The following ACE variants were observed in gnomAD, a reference collection of about 807,000 sequenced individuals.
ACE encodes angiotensin-converting enzyme.
A neutral mutation model predicts 162.3 loss-of-function variants in ACE; 122 were observed. That is an observed-to-expected ratio of 0.75 (90% CI 0.65 to 0.87). ACE has a LOEUF of 0.87. Ranked by LOEUF, ACE falls within the 40% of genes least tolerant of loss-of-function variation. The probability of loss-of-function intolerance (pLI) is 0.00; values close to 1 mark genes in which losing one functional copy is unlikely to be tolerated. For missense variants in ACE, 1,799 were observed against 1,735.1 expected (o/e 1.04, Z -0.65); for synonymous variants, 796 against 720.6 (o/e 1.10, Z -1.68).
rs762700919 is a variant in ACE at position 63,488,894 on chromosome 17, G to T, written c.2450-47G>T. ...TAGGAAAAGGTAGATCCCTGGAGGAGGCAGGTAATGTGGTGTTGGGAGAGC... is the reference window on the plus strand; with the variant it reads ...TAGGAAAAGGTAGATCCCTGGAGGATGCAGGTAATGTGGTGTTGGGAGAGC... On this transcript the variant is annotated intron_variant, in intron 16 of 24. Transcript: ENST00000290866. 4 of 1,613,736 alleles carry T rather than the reference G, an allele frequency of 2.5e-6. No individual in the cohort carries two copies. The African/African-American group carries it at 4.0e-5, about 16-fold the overall frequency.
chr17:63,483,775 G>C, intron 10 of ACE, 74 bp from the exon 11 acceptor site: 1 of 1,610,740 alleles, frequency 6.2e-7, no homozygotes, highest in South Asian at 1.1e-5. Context: ...GCAGGAAGCT[G>C]GATGGTGCCT....
At chr17:63,482,920 C>A in intron 8 of ACE, 109 bp from the exon 9 acceptor site, 1 of 1,268,008 alleles carries the variant, frequency 7.9e-7, no homozygotes, top group Non-Finnish European at 1.2e-6. Context: ...GCCATACCTT[C>A]TCTGCATCTC....
At chr17:63,482,943 T>G in intron 8 of ACE, 86 bp from the exon 9 acceptor site, 1 of 1,448,110 alleles carries the variant, frequency 6.9e-7, no homozygotes. Context: ...TGGCCTCACT[T>G]TCTGCTGCCC....
chr17:63,484,722 C>T lies in ACE; in HGVS notation c.1921+181C>T, dbSNP rs149747354. On this transcript the variant is annotated intron_variant, in intron 12 of 24. Coordinates refer to ENST00000290866, the MANE Select transcript of ACE (RefSeq NM_000789.4). The surrounding 1 kb of genome is among the most constrained non-coding windows in gnomAD (Gnocchi z 4.0). ...GAGTGGGGACAGGCATGTCTTTCCC[C>T]CAGCATCCTAGAGAGGGTGTGCTCA... 2.1e-6 allele frequency: 3 copies of T among 1,453,736 alleles called. No individual in the cohort carries two copies. The highest frequency in any genetic ancestry group is 2.8e-5 in the African/African-American group (2 of 70,582). 90.1% of individuals were successfully genotyped at this position (1,453,736 alleles called of 1,614,324 possible).
Position 63,488,646 on chromosome 17 carries a change from A to G in ACE, c.2306-2A>G. ...AGCTCAAGGCATTCAAACCCCTACC[A>G]GATCTGACGAATGTGATGGCCACGT... On this transcript the variant is annotated splice_acceptor_variant, in intron 15 of 24. Transcript: ENST00000290866. LOFTEE classifies it high-confidence loss of function. The G allele has an allele frequency of 1.2e-6, 2 of 1,613,092 alleles. No individual in the cohort carries two copies. The highest frequency in any genetic ancestry group is 1.7e-6 in the Non-Finnish European group (2 of 1,179,854).
intron 21 of ACE, 32 bp downstream of exon 21, chr17:63,494,098 G>A: frequency 6.2e-7 from 1 of 1,612,758 alleles, no homozygotes; most frequent in Non-Finnish European, 8.5e-7. Context: ...ATGCGGGCTG[G>A]GGGATCTCTG....
Position 63,493,528 on chromosome 17 carries a change from T to TA in ACE, c.3006dup (p.Pro1003ThrfsTer14). 1 of 1,613,854 alleles carries TA rather than the reference T, an allele frequency of 6.2e-7. No individual in the cohort carries two copies. Among genetic ancestry groups the TA allele is most frequent in the African/African-American group, 1.3e-5 (1 of 74,920 alleles). On this transcript the variant is annotated frameshift_variant, in exon 20 of 25. Coordinates refer to ENST00000290866, the MANE Select transcript of ACE (RefSeq NM_000789.4). LOFTEE classifies it high-confidence loss of function. ...CAGTATTTCATGCAGTACAAAGACT[T>TA]ACCTGTGGCCTTGAGGGAGGGTGCC...
At position 63,494,026 on chromosome 17, in the gene ACE, A is replaced by G. The variant is rs761139845; in HGVS notation, c.3241A>G (p.Ile1081Val). Reference protein sequence around the residue: ...QWRWRVFDGSITKENYNQEWW... With the variant: ...QWRWRVFDGSVTKENYNQEWW... ...GCGCTGGAGGGTATTTGATGGAAGCATCACCAAGGAGAACTATAACCAGGA... is the reference window on the plus strand; with the variant it reads ...GCGCTGGAGGGTATTTGATGGAAGCGTCACCAAGGAGAACTATAACCAGGA... The change falls in exon 21 of 25, where the codon ATC (isoleucine) becomes GTC (valine). Residue 1081 changes from isoleucine (I) to valine (V), a missense_variant. By Grantham distance (29) the Ile-to-Val change is conservative. Transcript: ENST00000290866. The G allele has an allele frequency of 1.2e-6, 2 of 1,614,126 alleles. No homozygotes were observed. The highest frequency in any genetic ancestry group is 8.5e-7 in the Non-Finnish European group (1 of 1,180,020).
intron 1 of ACE, 66 bp downstream of exon 1, chr17:63,477,409 C>T: frequency 3.5e-6 from 4 of 1,152,334 alleles, no homozygotes; most frequent in East Asian, 4.0e-5. Flanking sequence ...ACGCGGCCGG[C>T]TTGTGGGGCG....
chr17:63,484,939 G>A lies in ACE; in HGVS notation c.1922-297G>A, dbSNP rs2029866189. The A allele has an allele frequency of 6.3e-7, 1 of 1,598,436 alleles. No individual in the cohort carries two copies. On this transcript the variant is annotated intron_variant, in intron 12 of 24. Transcript: ENST00000290866. This position sits in a 1 kb window ranked among gnomAD's most constrained non-coding sequence, Gnocchi z 4.0. ...TGCTGCTCTGCTACGGGCACCCTCTGCTGGTCCCCAGCCAGGAGGCATCCC... is the reference window on the plus strand; with the variant it reads ...TGCTGCTCTGCTACGGGCACCCTCTACTGGTCCCCAGCCAGGAGGCATCCC...
At chr17:63,480,211 C>T in intron 4 of ACE, 126 bp from the exon 5 acceptor site, 1 of 1,099,206 alleles carries the variant, frequency 9.1e-7, no homozygotes, top group East Asian at 2.6e-5. Context: ...GTGGCAACCC[C>T]CAAGCCAATT....
chr17:63,493,787 G>A, intron 20 of ACE, 128 bp downstream of exon 20: 2 of 1,523,150 alleles, frequency 1.3e-6, no homozygotes, highest in Non-Finnish European at 1.8e-6. Context: ...AAGGAAGGGA[G>A]CCACCCAGAC....
intron 1 of ACE, 75 bp from the exon 2 acceptor site, chr17:63,477,856 G>A (rs1176859886): frequency 6.5e-7 from 1 of 1,540,820 alleles, no homozygotes; most frequent in Non-Finnish European, 8.8e-7. Context: ...CCCTCCCCCA[G>A]CACCGTGGCT....
chr17:63,493,264 C>T (rs1343728345), intron 19 of ACE, among the ~76,000 whole-genome samples, 172 bp from the exon 20 acceptor site: 1 of 152,186 alleles, frequency 6.6e-6, no homozygotes, highest in African/African-American at 2.4e-5. Flanking sequence ...CCCAGATTCC[C>T]TCTTACGCAC....
In ACE at chr17:63,484,377, A is replaced by G. The variant is rs1489606366; in HGVS notation, c.1757A>G (p.Lys586Arg). The G allele has an allele frequency of 1.2e-6, 2 of 1,611,924 alleles. No homozygotes were observed. The highest frequency in any genetic ancestry group is 2.7e-5 in the African/African-American group (2 of 75,020). The change falls in exon 12 of 25, where the codon AAG becomes AGG. Residue 586 changes from lysine (K) to arginine (R), a missense_variant. Coordinates refer to ENST00000290866, the MANE Select transcript of ACE (RefSeq NM_000789.4). This position sits in a 1 kb window ranked among gnomAD's most constrained non-coding sequence, Gnocchi z 4.0. ...GSSRPWQEVL[K>R]DMVGLDALDA... ...TCCAGGCCCTGGCAGGAGGTGCTGA[A>G]GGACATGGTCGGCTTAGATGCCCTG...
Position 63,497,182 on chromosome 17 carries a change from T to A in ACE, c.3737T>A (p.Leu1246Gln). 6.2e-7 allele frequency: 1 copy of A among 1,604,202 alleles called. No individual in the cohort carries two copies. Among genetic ancestry groups the A allele is most frequent in the Non-Finnish European group, 8.5e-7 (1 of 1,179,194 alleles). Residue 1246 changes from leucine to glutamine, a missense_variant, in exon 25 of 25, where the codon CTG becomes CAG. Physicochemically the swap from Leu to Gln is moderately radical, Grantham distance 113. Transcript: ENST00000290866. Reference protein sequence around the residue: ...PLPDSGRVSFLGLDLDAQQAR... With the variant: ...PLPDSGRVSFQGLDLDAQQAR... ...CCAGACAGCGGCCGCGTCAGCTTCC[T>A]GGGCCTGGACCTGGATGCGCAGCAG...
rs75214560 is a variant in ACE at position 63,479,043 on chromosome 17, T to A, written c.454T>A (p.Ser152Thr). The change falls in exon 3 of 25, where the codon TCC becomes ACC. Residue 152 changes from serine to threonine, a missense_variant. Coordinates refer to ENST00000290866, the MANE Select transcript of ACE (RefSeq NM_000789.4). ...GCTAAGCAACATGAGCAGGATCTAC[T>A]CCACCGCCAAGGTCTGCCTCCCCAA... The part of the protein sequence containing the change: ...ALLSNMSRIY[S>T]TAKVCLPNKT... 1.9e-6 allele frequency: 3 copies of A among 1,613,498 alleles called. No individual in the cohort carries two copies. The highest frequency in any genetic ancestry group is 2.5e-6 in the Non-Finnish European group (3 of 1,179,840).
Position 63,496,973 on chromosome 17 carries a change from A to G in ACE, c.3679A>G (p.Thr1227Ala), listed in dbSNP as rs772778762. The change falls in exon 24 of 25, where the codon ACG (threonine) becomes GCG (alanine). Residue 1227 changes from threonine (T) to alanine (A), a missense_variant. By Grantham distance (58) the Thr-to-Ala change is moderately conservative. Coordinates refer to ENST00000290866, the MANE Select transcript of ACE (RefSeq NM_000789.4). ...GCTGGGCTGGCCGCAGTACAACTGG[A>G]CGCCGAACTCCGGTACCGCCACCCA... ...EKLGWPQYNW[T>A]PNSARSEGPL... The G allele has an allele frequency of 1.9e-6, 3 of 1,611,396 alleles. No individual in the cohort carries two copies. The South Asian group carries it at 3.3e-5, about 18-fold the overall frequency.
In ACE at chr17:63,496,976, C is replaced by T. The variant is rs967933744; in HGVS notation, c.3682C>T (p.Pro1228Ser). 6.2e-7 allele frequency: 1 copy of T among 1,610,892 alleles called. No homozygotes were observed. The highest frequency in any genetic ancestry group is 1.1e-5 in the South Asian group (1 of 90,748). The stretch of plus-strand genomic sequence containing the variant: ...GGGCTGGCCGCAGTACAACTGGACG[C>T]CGAACTCCGGTACCGCCACCCACCC... The part of the protein sequence containing the change: ...KLGWPQYNWT[P>S]NSARSEGPLP... Residue 1228 changes from proline to serine, a missense_variant, in exon 24 of 25, where the codon CCG (proline) becomes TCG (serine). Pro to Ser is a moderately conservative substitution (Grantham distance 74, BLOSUM62 -1). Transcript: ENST00000290866.
Sources: gnomAD v4.1 joint callset for allele counts (sites outside exome capture counted in the v4.1 genomes callset) on GRCh38, gnomAD v4.1.1 for gene constraint, Gnocchi (gnomAD v3.1) non-coding constraint, MANE v1.5 for transcripts, NCBI Gene and HGNC (gene_info 2026-07-23, HGNC 2026-07-21) for gene names.